UTS2B: variants seen among roughly 807,000 people sequenced by gnomAD.
UTS2B encodes the protein urotensin-2B.
In UTS2B, 21 loss-of-function variants were observed where a neutral mutation model predicts 19.2. That is an observed-to-expected ratio of 1.09 (90% CI 0.78 to 1.58). The LOEUF (loss-of-function observed/expected upper bound fraction) is 1.58. UTS2B is among the 40% of genes most tolerant of loss of function. UTS2B has a pLI of 0.00. For synonymous variants in UTS2B, 57 were observed against 50.2 expected, an observed-to-expected ratio of 1.14 and a Z score of -0.58; for missense variants, 138 against 130.3, an observed-to-expected ratio of 1.06 and a Z score of -0.29.
intron 3 of UTS2B, among the ~76,000 whole-genome samples, chr3:191,308,069 C>T (rs1717193369): frequency 6.6e-6 from 1 of 152,150 alleles, no homozygotes; most frequent in South Asian, 2.1e-4. Context: ...CTCCTGACCT[C>T]GTGATCTGCC....
chr3:191,307,200 T>C (rs1717163154), intron 3 of UTS2B, among the ~76,000 whole-genome samples: 1 of 152,180 alleles, frequency 6.6e-6, no homozygotes. Flanking sequence ...GCACTCTGTG[T>C]GAATATAGAA....
upstream of UTS2B, among the ~76,000 whole-genome samples, chr3:191,333,257 C>G (rs1718047091): frequency 6.6e-6 from 1 of 152,122 alleles, no homozygotes; most frequent in Non-Finnish European, 1.5e-5. Flanking sequence ...TTAGAAATGT[C>G]TGTAAAAGGA....
chr3:191,289,997 A>C (rs78591475), intron 4 of UTS2B, among the ~76,000 whole-genome samples: 2,546 of 152,316 alleles, frequency 0.017, 76 homozygotes, highest in African/African-American at 0.058. Context: ...TAATTTCTTC[A>C]ATTTAGTCAT....
chr3:191,288,607 T>C (rs1385882644), intron 4 of UTS2B, among the ~76,000 whole-genome samples: 2 of 152,122 alleles, frequency 1.3e-5, no homozygotes, highest in Admixed American at 6.5e-5. Context: ...TTCCACGCTA[T>C]ATGCAAAAAT....
chr3:191,330,765 T>G (rs980321), upstream of UTS2B, among the ~76,000 whole-genome samples: 27,340 of 152,178 alleles, frequency 0.18, 3,018 homozygotes, highest in Non-Finnish European at 0.24. Flanking sequence ...GTCTTGTGTG[T>G]GCTCAGGCCA....
intron 8 of UTS2B, among the ~76,000 whole-genome samples, chr3:191,269,062 C>T (rs1416541898): frequency 1.3e-5 from 2 of 152,156 alleles, no homozygotes; most frequent in Non-Finnish European, 2.9e-5. Context: ...ATAAATGAAT[C>T]ATTTTAAATC....
upstream of UTS2B, among the ~76,000 whole-genome samples, chr3:191,331,290 C>A (rs183410017): frequency 9.6e-4 from 146 of 152,266 alleles, no homozygotes; most frequent in African/African-American, 3.3e-3. Context: ...ATCCCCTATT[C>A]ATGTGAGTGA....
intron 3 of UTS2B, 119 bp downstream of exon 3, chr3:191,315,917 C>A (rs1717434634): frequency 6.6e-6 from 1 of 152,188 alleles, no homozygotes; most frequent in Admixed American, 6.5e-5. Flanking sequence ...GAAACATATT[C>A]TTTTGGTTAT....
chr3:191,298,190 T>A (rs1158311838), intron 4 of UTS2B, among the ~76,000 whole-genome samples: 5 of 152,148 alleles, frequency 3.3e-5, no homozygotes, highest in African/African-American at 1.2e-4. Flanking sequence ...AGCACAATAA[T>A]AGACCCACAA....
intron 1 of UTS2B, chr3:191,329,608 G>C: frequency 6.5e-7 from 1 of 1,537,996 alleles, no homozygotes; most frequent in Non-Finnish European, 8.8e-7. Context: ...TGCGCTCGGG[G>C]CCCCGCTCGG....
intron 4 of UTS2B, among the ~76,000 whole-genome samples, chr3:191,298,358 G>A (rs1050479063): frequency 1.3e-5 from 2 of 152,270 alleles, no homozygotes; most frequent in East Asian, 1.9e-4. Context: ...TGGATCATGG[G>A]GTAGATTTCC....
intron 3 of UTS2B, among the ~76,000 whole-genome samples, chr3:191,305,361 T>C (rs1039179156): frequency 6.6e-6 from 1 of 152,228 alleles, no homozygotes; most frequent in African/African-American, 2.4e-5. Flanking sequence ...ATAGCCATTC[T>C]GACTGGCATG....
At chr3:191,326,748 A>G (rs1717753384) in intron 2 of UTS2B, among the ~76,000 whole-genome samples, 1 of 152,230 alleles carries the variant, frequency 6.6e-6, no homozygotes, top group South Asian at 2.1e-4. Context: ...TACTCAAAAG[A>G]TACTAGCTCT....
the UTS2B span, among the ~76,000 whole-genome samples, chr3:191,337,514 T>G: frequency 6.6e-6 from 1 of 152,084 alleles, no homozygotes. Flanking sequence ...CCAGCTAATT[T>G]TTGTATTTTT....
chr3:191,329,575 T>A (rs2108622003), intron 1 of UTS2B: 1 of 1,286,402 alleles, frequency 7.8e-7, no homozygotes, highest in South Asian at 1.4e-5. Flanking sequence ...GGCCGGACTT[T>A]GCGCCGCGTC....
upstream of UTS2B, chr3:191,330,544 T>A (rs1437979581): frequency 6.6e-6 from 1 of 152,158 alleles, no homozygotes; most frequent in Admixed American, 6.5e-5. Flanking sequence ...GTTATCTTTG[T>A]TTATTCTTTG....
chr3:191,306,672 C>T lies in UTS2B; in HGVS notation c.-181-2124G>A, dbSNP rs552995490. Among the ~76,000 whole-genome samples, 4 of 152,280 alleles carry T rather than the reference C, an allele frequency of 2.6e-5. No individual in the cohort carries two copies. In the East Asian group the frequency reaches 5.8e-4, roughly 22 times the overall value. On this transcript the variant is annotated intron_variant, in intron 3 of 8. Coordinates refer to ENST00000340524, the MANE Select transcript of UTS2B (RefSeq NM_198152.5). ...TTTTGTTTGAGACGGAGTCTCTTGT[C>T]ACCCAGGCTGGAGTGCAATGGCAAG... is the stretch of plus-strand genomic sequence containing the variant.
At chr3:191,271,609 C>A (rs1051666860) in intron 8 of UTS2B, among the ~76,000 whole-genome samples, 2 of 152,134 alleles carry the variant, frequency 1.3e-5, no homozygotes, top group Admixed American at 1.3e-4. Context: ...TTCTTTGTAC[C>A]TACTCCTACT....
intron 5 of UTS2B, 71 bp from the exon 6 acceptor site, chr3:191,278,241 G>A: frequency 1.3e-6 from 1 of 762,392 alleles, no homozygotes. Flanking sequence ...TGGTCTTACA[G>A]GCTACTATCA....
Sources: gnomAD v4.1 joint callset for allele counts (sites outside exome capture counted in the v4.1 genomes callset) on GRCh38, gnomAD v4.1.1 for gene constraint, MANE v1.5 for transcripts, NCBI Gene and HGNC (gene_info 2026-07-23, HGNC 2026-07-21) for gene names.